PCDH9: variants seen among roughly 807,000 people sequenced by gnomAD.
PCDH9 encodes the protein protocadherin-9.
PCDH9 carries 24 observed loss-of-function variants against 70.6 expected under a neutral mutation model. The observed-to-expected ratio is 0.34, with a 90% confidence interval of 0.25 to 0.48. The LOEUF is 0.48. Among genes scored for constraint, PCDH9 ranks in the 20% least tolerant of loss-of-function variants. The probability of loss-of-function intolerance (pLI) is 0.99; values close to 1 mark genes in which losing one functional copy is unlikely to be tolerated. For synonymous variants in PCDH9, 562 were observed against 558.5 expected (o/e 1.01, Z -0.09); for missense variants, 1,281 against 1,503.6 (o/e 0.85, Z 2.45).
intron 4 of PCDH9, among the ~76,000 whole-genome samples, chr13:66,404,596 G>T (rs1357554406): frequency 6.6e-6 from 1 of 151,162 alleles, no homozygotes; most frequent in African/African-American, 2.4e-5. Context: ...AGGGAGGGAA[G>T]GAATGAAAAG....
chr13:66,583,850 TG>T (rs1312508059), intron 4 of PCDH9, among the ~76,000 whole-genome samples: 2 of 152,188 alleles, frequency 1.3e-5, no homozygotes, highest in Non-Finnish European at 2.9e-5. Flanking sequence ...GAGTTTAAAA[TG>T]GTGGCCAACA....
At chr13:67,046,164 A>G (rs1296927528) in intron 2 of PCDH9, among the ~76,000 whole-genome samples, 1 of 152,156 alleles carries the variant, frequency 6.6e-6, no homozygotes, top group Non-Finnish European at 1.5e-5. Context: ...ATTATAAATT[A>G]AGGTACCCTG....
intron 4 of PCDH9, among the ~76,000 whole-genome samples, chr13:66,413,168 T>G (rs1566306512): frequency 6.6e-6 from 1 of 152,226 alleles, no homozygotes; most frequent in Non-Finnish European, 1.5e-5. Flanking sequence ...CTTGTCATGT[T>G]TCCATATGTC....
chr13:66,682,507 T>C (rs2139063835), intron 3 of PCDH9, among the ~76,000 whole-genome samples: 1 of 152,220 alleles, frequency 6.6e-6, no homozygotes, highest in East Asian at 1.9e-4. Flanking sequence ...TTTTTTCCTG[T>C]CCTGTTTCCA....
chr13:66,345,507 A>G (rs763993643), intron 4 of PCDH9, among the ~76,000 whole-genome samples: 4 of 152,154 alleles, frequency 2.6e-5, no homozygotes, highest in Non-Finnish European at 5.9e-5. Context: ...CCTCTCACAC[A>G]AGGCCAATCT....
chr13:67,013,981 ACT>A (rs1278349346), intron 2 of PCDH9, among the ~76,000 whole-genome samples: 1 of 151,854 alleles, frequency 6.6e-6, no homozygotes. Context: ...CCTATTTCAA[ACT>A]CTGTTTATTT....
At chr13:66,369,589 T>C (rs1299875229) in intron 4 of PCDH9, among the ~76,000 whole-genome samples, 2 of 152,130 alleles carry the variant, frequency 1.3e-5, no homozygotes. Flanking sequence ...ACTTATTTTT[T>C]GAAAAAGAAG....
intron 4 of PCDH9, among the ~76,000 whole-genome samples, chr13:66,346,068 G>A (rs148702491): frequency 1.3e-5 from 2 of 152,194 alleles, no homozygotes; most frequent in African/African-American, 2.4e-5. Flanking sequence ...CAAAGACTAG[G>A]AATTGTCTGC....
At chr13:66,337,369 T>C (rs936779713) in intron 4 of PCDH9, among the ~76,000 whole-genome samples, 17 of 152,192 alleles carry the variant, frequency 1.1e-4, no homozygotes, top group African/African-American at 4.1e-4. Context: ...TAACTCTTCT[T>C]TGAAAAACTA....
At chr13:66,923,063 A>T (rs1419514585) in intron 2 of PCDH9, among the ~76,000 whole-genome samples, 2 of 151,520 alleles carry the variant, frequency 1.3e-5, no homozygotes, top group Non-Finnish European at 3.0e-5. Flanking sequence ...CACGGTTAAC[A>T]TAGCATGATT....
chr13:66,680,165 AGTT>A (rs1418540714), intron 3 of PCDH9, among the ~76,000 whole-genome samples: 1 of 151,950 alleles, frequency 6.6e-6, no homozygotes, highest in African/African-American at 2.4e-5. Flanking sequence ...AGAGCATTTC[AGTT>A]TTATATTGTG....
At chr13:66,973,195 T>G (rs936624744) in intron 2 of PCDH9, among the ~76,000 whole-genome samples, 1 of 151,988 alleles carries the variant, frequency 6.6e-6, no homozygotes, top group Non-Finnish European at 1.5e-5. Context: ...CCCTAGAACA[T>G]TGTCCTTGGT....
chr13:66,887,476 G>T (rs900635457), intron 3 of PCDH9, among the ~76,000 whole-genome samples: 1 of 152,124 alleles, frequency 6.6e-6, no homozygotes, highest in Admixed American at 6.5e-5. Context: ...ATAATGTGGA[G>T]ATGTTAGTAA....
chr13:67,126,842 C>T (rs566095456), intron 2 of PCDH9, among the ~76,000 whole-genome samples: 1 of 152,140 alleles, frequency 6.6e-6, no homozygotes, highest in Admixed American at 6.5e-5. Context: ...CAGTGAGACT[C>T]CATCTCAAAA....
chr13:66,787,634 A>G (rs138875920), intron 3 of PCDH9, among the ~76,000 whole-genome samples: 19 of 152,214 alleles, frequency 1.2e-4, no homozygotes, highest in Non-Finnish European at 2.2e-4. Flanking sequence ...AGAAAAAAAG[A>G]AAAAGATAAC....
intron 2 of PCDH9, among the ~76,000 whole-genome samples, chr13:67,136,195 G>C (rs1221853787): frequency 6.6e-6 from 1 of 152,108 alleles, no homozygotes; most frequent in Admixed American, 6.6e-5. Flanking sequence ...ATCGCCCATA[G>C]AATTCAGTAC....
chr13:66,740,835 TG>T (rs2079251501), intron 3 of PCDH9, among the ~76,000 whole-genome samples: 1 of 145,520 alleles, frequency 6.9e-6, no homozygotes, highest in African/African-American at 2.5e-5. Flanking sequence ...GATCTGAAAT[TG>T]TGGCAATAAT....
intron 3 of PCDH9, among the ~76,000 whole-genome samples, chr13:66,823,988 T>C (rs1401770758): frequency 6.6e-6 from 1 of 152,054 alleles, no homozygotes; most frequent in African/African-American, 2.4e-5. Flanking sequence ...GAAAGTACTA[T>C]ATAGATTCCA....
At chr13:66,636,977 TAG>T (rs2077646511) in intron 3 of PCDH9, among the ~76,000 whole-genome samples, 1 of 152,142 alleles carries the variant, frequency 6.6e-6, no homozygotes, top group Non-Finnish European at 1.5e-5. Context: ...TTAAAAAATA[TAG>T]AGACTGGAAA....
Sources: allele counts gnomAD v4.1 joint callset (sites outside exome capture counted in the v4.1 genomes callset), GRCh38; gene constraint gnomAD v4.1.1; transcripts MANE v1.5; gene names NCBI Gene and HGNC (gene_info 2026-07-23, HGNC 2026-07-21).